The following MTPN variants were observed in gnomAD, a reference collection of about 807,000 sequenced individuals.
The protein encoded by MTPN is myotrophin, also known as granule cell differentiation protein.
Under a neutral mutation model 13.5 loss-of-function variants are expected in MTPN, and 2 were observed. That is an observed-to-expected ratio of 0.15 (90% CI 0.06 to 0.47). MTPN has a LOEUF of 0.47. Among genes scored for constraint, MTPN ranks in the 20% least tolerant of loss-of-function variants. The pLI, the probability that MTPN is intolerant of heterozygous loss-of-function variation, is 0.97. For missense variants in MTPN, 79 were observed against 137.9 expected (o/e 0.57, Z 2.14); for synonymous variants, 46 against 51.7 (o/e 0.89, Z 0.48).
intron 1 of MTPN, among the ~76,000 whole-genome samples, chr7:135,971,676 T>C (rs1304921247): frequency 6.6e-6 from 1 of 152,192 alleles, no homozygotes; most frequent in East Asian, 1.9e-4. Context: ...TGGCTTACTG[T>C]TGATAAGTAA....
chr7:135,971,107 T>G (rs1231943618), intron 1 of MTPN, among the ~76,000 whole-genome samples: 1 of 152,152 alleles, frequency 6.6e-6, no homozygotes, highest in Non-Finnish European at 1.5e-5. Context: ...GTTCAAGAGA[T>G]TCTATCCTTT....
intron 1 of MTPN, among the ~76,000 whole-genome samples, chr7:135,968,724 C>A (rs150200857): frequency 0.013 from 1,886 of 143,698 alleles, 30 homozygotes; most frequent in African/African-American, 0.046. Context: ...TCCCAGCATT[C>A]CAGAAAAAAA....
chr7:135,941,413 G>GT (rs1427976445), intron 3 of MTPN, among the ~76,000 whole-genome samples: 1 of 99,116 alleles, frequency 1.0e-5, no homozygotes, highest in Admixed American at 9.4e-5. Context: ...CAAAGCATTT[G>GT]TTGAGAACTT....
intron 1 of MTPN, 94 bp downstream of exon 1, chr7:135,976,935 A>ACCCCCCCC: frequency 8.4e-6 from 2 of 239,440 alleles, no homozygotes; most frequent in South Asian, 2.8e-5. Flanking sequence ...CCTCCCGCCC[A>ACCCCCCCC]CCCCCATCCC....
At chr7:135,938,887 C>T (rs773187143) in intron 3 of MTPN, among the ~76,000 whole-genome samples, 5 of 152,174 alleles carry the variant, frequency 3.3e-5, no homozygotes, top group Non-Finnish European at 5.9e-5. Flanking sequence ...AGGAAATCAT[C>T]ATGTCTTGTT....
intron 3 of MTPN, 38 bp downstream of exon 3, chr7:135,950,561 G>GT (rs745785637): frequency 6.9e-7 from 1 of 1,455,790 alleles, no homozygotes; most frequent in Non-Finnish European, 9.6e-7. Flanking sequence ...CTTAAACACA[G>GT]TAATAGAAAA....
At position 135,951,561 on chromosome 7, in the gene MTPN, G is replaced by A. The variant is rs1325445727; in HGVS notation, c.142C>T (p.Leu48Phe). The change falls in exon 2 of 4, where the codon CTT becomes TTT. Residue 48 changes from leucine (L) to phenylalanine (F), a missense_variant. Physicochemically the swap from Leu to Phe is conservative, Grantham distance 22. Transcript: ENST00000393085. The part of the protein sequence containing the change: ...PLHYAADCGQ[L>F]EILEFLLLKG... The stretch of plus-strand genomic sequence containing the variant: ...AGCAGCAGAAATTCCAGGATTTCAA[G>A]CTGCCCACAATCTGCTGCATAATGA... 6.2e-7 allele frequency: 1 copy of A among 1,613,392 alleles called. No individual in the cohort carries two copies. Among genetic ancestry groups the A allele is most frequent in the Admixed American group, 1.7e-5 (1 of 59,998 alleles).
At chr7:135,946,700 C>T (rs1450270304) in intron 3 of MTPN, among the ~76,000 whole-genome samples, 1 of 152,064 alleles carries the variant, frequency 6.6e-6, no homozygotes, top group South Asian at 2.1e-4. Flanking sequence ...CCAAAAATTT[C>T]CTGGTTAAGA....
intron 1 of MTPN, among the ~76,000 whole-genome samples, chr7:135,959,958 T>C (rs1480470633): frequency 6.6e-6 from 1 of 152,084 alleles, no homozygotes; most frequent in African/African-American, 2.4e-5. Context: ...GTTTTTTCCT[T>C]CTAGTATTTT....
intron 1 of MTPN, among the ~76,000 whole-genome samples, chr7:135,966,534 G>A (rs1023999047): frequency 3.3e-5 from 5 of 151,524 alleles, no homozygotes; most frequent in East Asian, 1.9e-4. Flanking sequence ...TCACTTTTGC[G>A]CCATCACAAC....
At position 135,977,049 on chromosome 7, in the gene MTPN, C is replaced by G; in HGVS notation, c.52G>C (p.Val18Leu). The G allele has an allele frequency of 6.2e-7, 1 of 1,613,348 alleles. No homozygotes were observed. Among genetic ancestry groups the G allele is most frequent in the Non-Finnish European group, 8.5e-7 (1 of 1,179,572 alleles). ...CTTACCTTGGCCACATAGTCTTTCACCTCATCCAAGTCTCCGTTTTTCAGG... is the reference window on the plus strand; with the variant it reads ...CTTACCTTGGCCACATAGTCTTTCAGCTCATCCAAGTCTCCGTTTTTCAGG... ...WALKNGDLDE[V>L]KDYVAKGEDV... The change falls in exon 1 of 4, where the codon GTG becomes CTG. Residue 18 changes from valine (V) to leucine (L), a missense_variant. Coordinates refer to ENST00000393085, the MANE Select transcript of MTPN (RefSeq NM_145808.4).
At chr7:135,976,107 CAT>C (rs961011246) in intron 1 of MTPN, among the ~76,000 whole-genome samples, 2 of 152,178 alleles carry the variant, frequency 1.3e-5, no homozygotes, top group Admixed American at 6.5e-5. Flanking sequence ...ATTAAAATCA[CAT>C]GTTAAGTTCT....
At chr7:135,930,587 TA>T (rs879681820) in intron 3 of MTPN, among the ~76,000 whole-genome samples, 2 of 152,178 alleles carry the variant, frequency 1.3e-5, no homozygotes, top group African/African-American at 2.4e-5. Flanking sequence ...TCTGAACGCT[TA>T]ACTTGGAGAG....
intron 3 of MTPN, among the ~76,000 whole-genome samples, chr7:135,935,573 A>G (rs1211280799): frequency 6.6e-6 from 1 of 152,126 alleles, no homozygotes; most frequent in Non-Finnish European, 1.5e-5. Context: ...CAGACTCTAC[A>G]TGTTTGGGTG....
At chr7:135,942,490 G>C (rs985446259) in intron 3 of MTPN, among the ~76,000 whole-genome samples, 9 of 152,170 alleles carry the variant, frequency 5.9e-5, no homozygotes. Flanking sequence ...AAATTGACTG[G>C]ATTTGAATTC....
intron 3 of MTPN, among the ~76,000 whole-genome samples, chr7:135,938,600 C>T (rs1471463490): frequency 1.3e-5 from 2 of 152,188 alleles, no homozygotes; most frequent in Admixed American, 1.3e-4. Flanking sequence ...AGTTCAAGCT[C>T]TTCATCATTC....
intron 1 of MTPN, among the ~76,000 whole-genome samples, chr7:135,969,874 A>T (rs538112512): frequency 6.6e-6 from 1 of 152,336 alleles, no homozygotes; most frequent in Non-Finnish European, 1.5e-5. Context: ...AATAAACAAA[A>T]GACATAAACA....
chr7:135,952,906 C>A (rs1341997835), intron 1 of MTPN, among the ~76,000 whole-genome samples: 1 of 152,152 alleles, frequency 6.6e-6, no homozygotes, highest in East Asian at 1.9e-4. Context: ...CTGCAGTGAG[C>A]CATGACCCTG....
At position 135,944,595 on chromosome 7, in the gene MTPN, C is replaced by T. The variant is rs1371815060; in HGVS notation, c.270+6004G>A. Among the ~76,000 whole-genome samples the T allele has an allele frequency of 1.1e-4, 16 of 151,650 alleles. 1 individual carries two copies. Among genetic ancestry groups the T allele is most frequent in the African/African-American group, 3.6e-4 (15 of 41,230 alleles). ...AGGAGAAGTGCCTGAACCTGTGAGCCGAGATCACGCCATTGCACTCCAGCC... is the reference window on the plus strand; with the variant it reads ...AGGAGAAGTGCCTGAACCTGTGAGCTGAGATCACGCCATTGCACTCCAGCC... On this transcript the variant is annotated intron_variant, in intron 3 of 3. Transcript: ENST00000393085.
Sources: gnomAD v4.1 joint callset for allele counts (sites outside exome capture counted in the v4.1 genomes callset) on GRCh38, gnomAD v4.1.1 for gene constraint, MANE v1.5 for transcripts, NCBI Gene and HGNC (gene_info 2026-07-23, HGNC 2026-07-21) for gene names.